NBAS: variants seen among roughly 807,000 people sequenced by gnomAD.
The protein encoded by NBAS is NAG/BC035112 fusion.
Under a neutral mutation model 302.5 loss-of-function variants are expected in NBAS, and 219 were observed. That is an observed-to-expected ratio of 0.72 (90% CI 0.65 to 0.81). NBAS has a LOEUF of 0.81. NBAS is among the 30% of genes least tolerant of loss of function. The pLI is 0.00. For missense variants in NBAS, 2,932 were observed against 2,841.6 expected, an observed-to-expected ratio of 1.03 and a Z score of -0.72; for synonymous variants, 1,118 against 1,021.6, an observed-to-expected ratio of 1.09 and a Z score of -1.80.
At chr2:15,469,872 G>T (rs1679884477) in intron 16 of NBAS, among the ~76,000 whole-genome samples, 2 of 151,224 alleles carry the variant, frequency 1.3e-5, no homozygotes, top group Admixed American at 6.6e-5. Flanking sequence ...AGCATTAGGA[G>T]ATATGCCTAA....
chr2:15,403,697 A>G (rs1443749032), intron 25 of NBAS, among the ~76,000 whole-genome samples: 1 of 152,136 alleles, frequency 6.6e-6, no homozygotes. Context: ...CCCCCCAGAT[A>G]CTGAGGGATG....
At chr2:14,791,498 G>T in the NBAS span, among the ~76,000 whole-genome samples, 1 of 152,048 alleles carries the variant, frequency 6.6e-6, no homozygotes, top group East Asian at 1.9e-4. Flanking sequence ...TGGGCAAGGG[G>T]AAGAGAATAT....
chr2:15,394,459 C>A, intron 27 of NBAS, 110 bp from the exon 28 acceptor site: 1 of 1,156,306 alleles, frequency 8.6e-7, no homozygotes, highest in Non-Finnish European at 1.2e-6. Flanking sequence ...AAAAATTATC[C>A]CATAGTGTAA....
chr2:15,206,066 G>A (rs983589884), intron 48 of NBAS, among the ~76,000 whole-genome samples: 1 of 152,196 alleles, frequency 6.6e-6, no homozygotes, highest in Non-Finnish European at 1.5e-5. Flanking sequence ...AAAACAGGAA[G>A]ATGTGGGAAG....
the NBAS span, among the ~76,000 whole-genome samples, chr2:14,851,625 C>CA: frequency 8.5e-5 from 10 of 117,126 alleles, no homozygotes; most frequent in Non-Finnish European, 1.5e-4. Context: ...GAGACACAAC[C>CA]AAAAAAGAGA....
chr2:15,337,293 G>A (rs983196665), intron 35 of NBAS, among the ~76,000 whole-genome samples: 2 of 151,914 alleles, frequency 1.3e-5, no homozygotes, highest in Non-Finnish European at 2.9e-5. Context: ...CCAGCCTGGA[G>A]GACTCAGGGG....
At chr2:14,981,903 T>C in the NBAS span, among the ~76,000 whole-genome samples, 1 of 152,208 alleles carries the variant, frequency 6.6e-6, no homozygotes, top group Non-Finnish European at 1.5e-5. Flanking sequence ...GGCTGCCAAC[T>C]AGTTCTTCCC....
the NBAS span, among the ~76,000 whole-genome samples, chr2:14,993,599 A>T: frequency 6.6e-6 from 1 of 152,226 alleles, no homozygotes; most frequent in Non-Finnish European, 1.5e-5. Context: ...TTGCTATTTC[A>T]AAGTGTTGGC....
intron 6 of NBAS, among the ~76,000 whole-genome samples, chr2:15,542,884 C>CGGGA (rs1366346432): frequency 6.6e-6 from 1 of 152,204 alleles, no homozygotes; most frequent in African/African-American, 2.4e-5. Flanking sequence ...AAGGGATTTG[C>CGGGA]TTTTATATGC....
chr2:15,504,361 G>A, intron 10 of NBAS, 148 bp from the exon 11 acceptor site: 1 of 729,572 alleles, frequency 1.4e-6, no homozygotes, highest in Non-Finnish European at 2.3e-6. Context: ...CAAGGATCTT[G>A]GTGAGATTTT....
At chr2:15,461,145 C>T in intron 21 of NBAS, 56 bp downstream of exon 21, 1 of 1,484,090 alleles carries the variant, frequency 6.7e-7, no homozygotes, top group Non-Finnish European at 9.3e-7. Context: ...TTCAGCATGA[C>T]AAAAAAATTA....
At chr2:15,034,161 G>A in the NBAS span, among the ~76,000 whole-genome samples, 6 of 137,294 alleles carry the variant, frequency 4.4e-5, no homozygotes, top group Admixed American at 3.8e-4. Context: ...AGGAGGAGGA[G>A]GTGGAGGAAG....
chr2:15,169,033 T>C (rs1038029095), intron 51 of NBAS, among the ~76,000 whole-genome samples: 1 of 152,204 alleles, frequency 6.6e-6, no homozygotes, highest in African/African-American at 2.4e-5. Flanking sequence ...TCATTAACAT[T>C]TGTTAAATGG....
chr2:15,135,479 C>T, the NBAS span, among the ~76,000 whole-genome samples: 45 of 152,042 alleles, frequency 3.0e-4, no homozygotes, highest in African/African-American at 1.2e-4. Flanking sequence ...AGTGGGAGCT[C>T]GAGGTGCAGT....
At chr2:15,370,508 G>T (rs1257031564) in intron 31 of NBAS, among the ~76,000 whole-genome samples, 2 of 152,122 alleles carry the variant, frequency 1.3e-5, no homozygotes, top group African/African-American at 4.8e-5. Flanking sequence ...TGTTGCCAAG[G>T]CTGGTCTCAA....
chr2:15,036,489 A>C, the NBAS span, among the ~76,000 whole-genome samples: 5 of 152,182 alleles, frequency 3.3e-5, no homozygotes, highest in African/African-American at 1.2e-4. Context: ...ACAATGTAAA[A>C]TTCCAGCCCA....
chr2:14,932,342 T>C, the NBAS span, among the ~76,000 whole-genome samples: 1 of 152,224 alleles, frequency 6.6e-6, no homozygotes, highest in Non-Finnish European at 1.5e-5. Context: ...GTCCCCCTAC[T>C]AATGACCCAC....
chr2:15,324,181 G>C (rs558647738), intron 38 of NBAS, among the ~76,000 whole-genome samples: 62 of 152,158 alleles, frequency 4.1e-4, no homozygotes, highest in Non-Finnish European at 6.3e-4. Flanking sequence ...CCATTTTATA[G>C]ATAAGAAAAT....
At chr2:15,084,149 A>C in the NBAS span, among the ~76,000 whole-genome samples, 1 of 152,086 alleles carries the variant, frequency 6.6e-6, no homozygotes, top group Non-Finnish European at 1.5e-5. Flanking sequence ...CCTGGGCTCA[A>C]GTAATCCTCC....
Sources: gnomAD v4.1 joint callset for allele counts (sites outside exome capture counted in the v4.1 genomes callset) on GRCh38, gnomAD v4.1.1 for gene constraint, MANE v1.5 for transcripts, NCBI Gene and HGNC (gene_info 2026-07-23, HGNC 2026-07-21) for gene names.